Variants in FOXN3 observed in about 807,000 individuals in gnomAD.
FOXN3 encodes the protein forkhead box N3, also known as forkhead box protein N3.
In FOXN3, 7 loss-of-function variants were observed where a neutral mutation model predicts 38.4. The ratio of observed to expected loss-of-function variants is 0.18; its 90% CI spans 0.10 to 0.34. The LOEUF (loss-of-function observed/expected upper bound fraction) is 0.34. Among genes scored for constraint, FOXN3 ranks in the 10% least tolerant of loss-of-function variants. FOXN3 has a pLI of 1.00. For synonymous variants in FOXN3, 230 were observed against 242.2 expected (o/e 0.95, Z 0.47); for missense variants, 456 against 613.4 (o/e 0.74, Z 2.71).
intron 1 of FOXN3, among the ~76,000 whole-genome samples, chr14:89,498,754 C>T (rs1305412477): frequency 7.3e-6 from 1 of 137,760 alleles, no homozygotes; most frequent in Non-Finnish European, 1.5e-5. Context: ...CAGAGGCATC[C>T]TATGGACAGA....
At chr14:89,205,325 G>C (rs911780955) in intron 4 of FOXN3, among the ~76,000 whole-genome samples, 5 of 152,182 alleles carry the variant, frequency 3.3e-5, no homozygotes, top group Non-Finnish European at 7.4e-5. Context: ...GGGCCCTCAT[G>C]ATGACACGGG....
At chr14:89,319,096 A>G (rs1474743139) in intron 3 of FOXN3, among the ~76,000 whole-genome samples, 2 of 152,200 alleles carry the variant, frequency 1.3e-5, no homozygotes, top group Non-Finnish European at 2.9e-5. Context: ...AGAATCAAAG[A>G]CAATTCTGAG....
At chr14:89,601,759 GT>G (rs200708198) in intron 1 of FOXN3, among the ~76,000 whole-genome samples, 1 of 150,472 alleles carries the variant, frequency 6.6e-6, no homozygotes. Context: ...TTTTGTTTTT[GT>G]TTTTTTTTCC....
chr14:89,560,476 A>G (rs1895226350), intron 1 of FOXN3, among the ~76,000 whole-genome samples: 1 of 152,184 alleles, frequency 6.6e-6, no homozygotes, highest in African/African-American at 2.4e-5. Context: ...TTACCTACAG[A>G]ACTCAGTGGT....
At chr14:89,312,431 C>CAATTGGATTAGCAGATACTT (rs1449475678) in intron 3 of FOXN3, among the ~76,000 whole-genome samples, 3 of 151,886 alleles carry the variant, frequency 2.0e-5, no homozygotes, top group Non-Finnish European at 4.4e-5. Flanking sequence ...AAATCTCTAT[C>CAATTGGATTAGCAGATACTT]AATTGGATTA....
chr14:89,613,197 T>A (rs1302345066), intron 1 of FOXN3, among the ~76,000 whole-genome samples: 1 of 150,744 alleles, frequency 6.6e-6, no homozygotes, highest in Non-Finnish European at 1.5e-5. Flanking sequence ...CCTCTCCAAG[T>A]GGGACCTGCT....
At chr14:89,485,465 C>T (rs941599790) in intron 1 of FOXN3, among the ~76,000 whole-genome samples, 1 of 152,204 alleles carries the variant, frequency 6.6e-6, no homozygotes, top group Non-Finnish European at 1.5e-5. Flanking sequence ...ACTGACCTCA[C>T]AGAGCTCATC....
At chr14:89,569,821 G>T (rs184492990) in intron 1 of FOXN3, among the ~76,000 whole-genome samples, 1 of 152,246 alleles carries the variant, frequency 6.6e-6, no homozygotes, top group African/African-American at 2.4e-5. Context: ...GCCATCAGGT[G>T]TTGCTCTTGG....
At chr14:89,411,888 TAAAAAAAAA>T in intron 2 of FOXN3, 37 bp downstream of exon 2, 1 of 1,005,292 alleles carries the variant, frequency 9.9e-7, no homozygotes, top group South Asian at 3.4e-5. Flanking sequence ...AATTTTAAAT[TAAAAAAAAA>T]AAAAGAAAAC....
chr14:89,196,963 A>G (rs952072558), intron 4 of FOXN3, among the ~76,000 whole-genome samples: 4 of 152,214 alleles, frequency 2.6e-5, no homozygotes, highest in African/African-American at 9.7e-5. Context: ...CCAACCTAAC[A>G]AAACAATGAC....
chr14:89,242,195 T>A (rs1376222173), intron 4 of FOXN3, among the ~76,000 whole-genome samples: 1 of 152,178 alleles, frequency 6.6e-6, no homozygotes, highest in Non-Finnish European at 1.5e-5. Context: ...GTACGAGTGG[T>A]GCCCGCGTTC....
intron 4 of FOXN3, among the ~76,000 whole-genome samples, chr14:89,201,069 G>A (rs1161595793): frequency 6.6e-6 from 1 of 152,196 alleles, no homozygotes; most frequent in African/African-American, 2.4e-5. Flanking sequence ...TGTTTGGCTT[G>A]TTAACTGTGC....
At chr14:89,270,031 G>A (rs893768011) in intron 4 of FOXN3, among the ~76,000 whole-genome samples, 14 of 152,194 alleles carry the variant, frequency 9.2e-5, no homozygotes, top group Non-Finnish European at 2.1e-4. Flanking sequence ...AAGGCAGAAC[G>A]GACCTGGACC....
At chr14:89,180,948 GCACATA>G in intron 4 of FOXN3, 142 bp from the exon 5 acceptor site, 2 of 493,962 alleles carry the variant, frequency 4.0e-6, no homozygotes, top group Admixed American at 8.2e-5. Flanking sequence ...ACACACACGT[GCACATA>G]CACACACACA....
intron 1 of FOXN3, among the ~76,000 whole-genome samples, chr14:89,423,215 C>T (rs963631559): frequency 1.3e-5 from 2 of 152,176 alleles, no homozygotes; most frequent in African/African-American, 4.8e-5. Context: ...AGTGGGGAGG[C>T]GCAGTGGTTA....
chr14:89,191,938 A>G (rs985720718), intron 4 of FOXN3, among the ~76,000 whole-genome samples: 7 of 146,342 alleles, frequency 4.8e-5, no homozygotes, highest in African/African-American at 1.8e-4. Context: ...ACCATTTCCC[A>G]CTGATATTAG....
At chr14:89,397,580 T>G (rs1021881732) in intron 2 of FOXN3, among the ~76,000 whole-genome samples, 1 of 152,040 alleles carries the variant, frequency 6.6e-6, no homozygotes, top group African/African-American at 2.4e-5. Context: ...CCCTACCACC[T>G]TAGGGGGAAA....
chr14:89,400,353 T>C lies in FOXN3; in HGVS notation c.543+11581A>G, dbSNP rs560066101. On this transcript the variant is annotated intron_variant, in intron 2 of 5. Transcript: ENST00000557258. ...AAATCTCTTTATTTTCCAACACCTA[T>C]GCACTGTGTTTCAGATTTATACCTC... 7.1e-4 allele frequency among the ~76,000 whole-genome samples: 108 copies of C among 152,340 alleles called. No individual in the cohort carries two copies. The Middle Eastern group carries it at 0.014, about 19-fold the overall frequency.
chr14:89,351,023 A>C (rs143564468), intron 2 of FOXN3: 8 of 362,352 alleles, frequency 2.2e-5, no homozygotes, highest in African/African-American at 8.4e-5. Flanking sequence ...ACATATTATT[A>C]CCAGGTTATG....
Sources: allele counts gnomAD v4.1 joint callset (sites outside exome capture counted in the v4.1 genomes callset), GRCh38; gene constraint gnomAD v4.1.1; transcripts MANE v1.5; gene names NCBI Gene and HGNC (gene_info 2026-07-23, HGNC 2026-07-21).